Variants in ABCA13 observed in about 807,000 individuals in gnomAD.
ABCA13 encodes ATP binding cassette subfamily A member 13.
Under a neutral mutation model 478.7 loss-of-function variants are expected in ABCA13, and 476 were observed. That is an observed-to-expected ratio of 0.99 (90% CI 0.92 to 1.07). ABCA13 has a LOEUF of 1.07. Among genes scored for constraint, ABCA13 ranks in the 50% least tolerant of loss-of-function variants. The pLI is 0.00. For missense variants in ABCA13, 6,060 were observed against 5,910.6 expected, an observed-to-expected ratio of 1.03 and a Z score of -0.83; for synonymous variants, 2,252 against 2,158.9, an observed-to-expected ratio of 1.04 and a Z score of -1.20.
intron 37 of ABCA13, among the ~76,000 whole-genome samples, chr7:48,390,557 A>G (rs1425246570): frequency 2.0e-5 from 3 of 152,238 alleles, no homozygotes; most frequent in Admixed American, 6.5e-5. Flanking sequence ...TAGTGCCGGA[A>G]CAAGCACCAC....
intron 39 of ABCA13, chr7:48,404,693 T>G (rs1414368569): frequency 6.6e-6 from 1 of 152,320 alleles, no homozygotes; most frequent in African/African-American, 2.4e-5. Context: ...GTCCTTCTTT[T>G]TCTTAGCATA....
chr7:48,300,840 TGTC>T (rs1042965559), intron 23 of ABCA13, among the ~76,000 whole-genome samples: 1 of 152,238 alleles, frequency 6.6e-6, no homozygotes, highest in Non-Finnish European at 1.5e-5. Context: ...CCCAGCCTTC[TGTC>T]CTGGGTTTGC....
intron 3 of ABCA13, among the ~76,000 whole-genome samples, chr7:48,204,303 G>T (rs932327227): frequency 4.6e-5 from 7 of 151,470 alleles, no homozygotes; most frequent in South Asian, 2.1e-4. Context: ...TCCGCCTCCC[G>T]GGTTCAAGCG....
chr7:48,305,492 A>C (rs977042689), intron 23 of ABCA13, among the ~76,000 whole-genome samples: 1 of 152,166 alleles, frequency 6.6e-6, no homozygotes, highest in Non-Finnish European at 1.5e-5. Context: ...TTGTCTTACA[A>C]ATTCTAACTT....
chr7:48,475,182 C>T (rs1585492168), intron 45 of ABCA13, among the ~76,000 whole-genome samples: 1 of 152,024 alleles, frequency 6.6e-6, no homozygotes, highest in Non-Finnish European at 1.5e-5. Context: ...TTGGACCACA[C>T]GTTAGAAATC....
intron 3 of ABCA13, among the ~76,000 whole-genome samples, chr7:48,216,498 T>G (rs1451643259): frequency 6.6e-6 from 1 of 152,208 alleles, no homozygotes; most frequent in Non-Finnish European, 1.5e-5. Flanking sequence ...ACAAGTCCCT[T>G]ATTAGATATA....
Position 48,278,252 on chromosome 7 carries a change from T to A in ABCA13, c.7058T>A (p.Phe2353Tyr), listed in dbSNP as rs377299788. 58 of 1,610,930 alleles carry A rather than the reference T, an allele frequency of 3.6e-5. No homozygotes were observed. In the Admixed American group the frequency reaches 9.7e-4, roughly 27 times the overall value. ...ATATTAGACAATGGAGAATTTTATT[T>A]TGATACTCATCAAGGACTGAAGTTC... Reference protein sequence around the residue: ...SFILDNGEFYFDTHQGLKFMQ... With the variant: ...SFILDNGEFYYDTHQGLKFMQ... Residue 2353 changes from phenylalanine to tyrosine, a missense_variant, in exon 18 of 62, where the codon TTT (phenylalanine) becomes TAT (tyrosine). Transcript: ENST00000435803.
intron 32 of ABCA13, among the ~76,000 whole-genome samples, chr7:48,368,339 G>A (rs919268578): frequency 6.6e-6 from 1 of 151,868 alleles, no homozygotes; most frequent in Non-Finnish European, 1.5e-5. Context: ...GTTTTTTGGG[G>A]AACAGGTGGT....
At chr7:48,358,606 A>G (rs574856524) in intron 31 of ABCA13, among the ~76,000 whole-genome samples, 34 of 152,136 alleles carry the variant, frequency 2.2e-4, no homozygotes, top group Non-Finnish European at 4.3e-4. Context: ...TTGTTTTCAT[A>G]TTCACTGTAT....
intron 35 of ABCA13, 36 bp downstream of exon 35, chr7:48,376,608 AT>A (rs1813525228): frequency 6.2e-7 from 1 of 1,603,170 alleles, no homozygotes; most frequent in East Asian, 2.2e-5. Flanking sequence ...AACACAATAA[AT>A]TTTAAAAACA....
At chr7:48,305,918 G>A (rs1269404952) in intron 23 of ABCA13, among the ~76,000 whole-genome samples, 1 of 152,136 alleles carries the variant, frequency 6.6e-6, no homozygotes, top group Non-Finnish European at 1.5e-5. Flanking sequence ...TTCTGTTTCT[G>A]ATAATTTGCA....
At position 48,279,675 on chromosome 7, in the gene ABCA13, G is replaced by C; in HGVS notation, c.8481G>C (p.Arg2827Ser). The change falls in exon 18 of 62, where the codon AGG becomes AGC. Residue 2827 changes from arginine to serine, a missense_variant. Transcript: ENST00000435803. Reference sequence around the variant, plus strand: ...TTTTAAGTAGAATAGCTCTCTGGAGGAAAGGACTTCTGTTTAACAACTCTG... The same window carrying C: ...TTTTAAGTAGAATAGCTCTCTGGAGCAAAGGACTTCTGTTTAACAACTCTG... The part of the protein sequence containing the change: ...HNVLSRIALW[R>S]KGLLFNNSEW... 6.2e-7 allele frequency: 1 copy of C among 1,613,548 alleles called. No individual in the cohort carries two copies. Among genetic ancestry groups the C allele is most frequent in the Non-Finnish European group, 8.5e-7 (1 of 1,179,746 alleles).
In ABCA13 at chr7:48,321,687, T is replaced by G. The variant is rs183356267; in HGVS notation, c.9999+4391T>G. 2.3e-3 allele frequency among the ~76,000 whole-genome samples: 347 copies of G among 152,160 alleles called. 1 individual carries two copies. The highest frequency in any genetic ancestry group is 8.0e-3 in the African/African-American group (332 of 41,504). On this transcript the variant is annotated intron_variant, in intron 27 of 61. Transcript: ENST00000435803. ...GGGACCTGCTATGAGCCGGCTGCCG[T>G]GAGAGCGAGGTGGCCTCAGCACCAA...
At chr7:48,460,156 G>A (rs1412179390) in intron 43 of ABCA13, among the ~76,000 whole-genome samples, 1 of 152,190 alleles carries the variant, frequency 6.6e-6, no homozygotes, top group Non-Finnish European at 1.5e-5. Flanking sequence ...GCCAGTGGAT[G>A]TATGTGGCCA....
intron 1 of ABCA13, among the ~76,000 whole-genome samples, chr7:48,182,761 G>A (rs1795860505): frequency 6.6e-6 from 1 of 152,132 alleles, no homozygotes; most frequent in Admixed American, 6.5e-5. Flanking sequence ...AGGAATTTTG[G>A]ACTTTGATGG....
At chr7:48,527,826 C>A (rs1379593497) in intron 54 of ABCA13, among the ~76,000 whole-genome samples, 2 of 151,992 alleles carry the variant, frequency 1.3e-5, no homozygotes, top group African/African-American at 4.8e-5. Flanking sequence ...AAGATGGAAT[C>A]TTTTAAGAAA....
chr7:48,415,114 G>C (rs1819800349), intron 41 of ABCA13, among the ~76,000 whole-genome samples: 2 of 152,142 alleles, frequency 1.3e-5, no homozygotes, highest in Non-Finnish European at 2.9e-5. Flanking sequence ...CACCATACTT[G>C]AATGCAGCTA....
At chr7:48,483,286 C>A in intron 47 of ABCA13, 123 bp downstream of exon 47, 5 of 778,846 alleles carry the variant, frequency 6.4e-6, no homozygotes, top group Non-Finnish European at 7.8e-6. Context: ...TGTTACTAAG[C>A]ATCAAGGAAA....
intron 29 of ABCA13, among the ~76,000 whole-genome samples, chr7:48,346,997 A>T (rs1018056491): frequency 6.6e-6 from 1 of 152,188 alleles, no homozygotes; most frequent in Non-Finnish European, 1.5e-5. Context: ...GCCCATAAGA[A>T]TATCCAAGTT....
Sources: allele counts gnomAD v4.1 joint callset (sites outside exome capture counted in the v4.1 genomes callset), GRCh38; gene constraint gnomAD v4.1.1; transcripts MANE v1.5; gene names NCBI Gene and HGNC (gene_info 2026-07-23, HGNC 2026-07-21).